The following PCDHA3 variants were observed in gnomAD, a reference collection of about 807,000 sequenced individuals.
PCDHA3 encodes protocadherin alpha-3.
PCDHA3 carries 41 observed loss-of-function variants against 62.2 expected under a neutral mutation model. That is an observed-to-expected ratio of 0.66 (90% CI 0.51 to 0.86). The LOEUF (loss-of-function observed/expected upper bound fraction) is 0.86, where lower values mean the gene tolerates loss of function less well. PCDHA3 is among the 40% of genes least tolerant of loss of function. The probability of loss-of-function intolerance (pLI) is 0.00; values close to 1 mark genes in which losing one functional copy is unlikely to be tolerated. For missense variants in PCDHA3, 1,304 were observed against 1,241.2 expected (o/e 1.05, Z -0.76); for synonymous variants, 640 against 555.4 (o/e 1.15, Z -2.14).
At chr5:140,808,060 C>T in intron 1 of PCDHA3, 3 of 1,613,672 alleles carry the variant, frequency 1.9e-6, no homozygotes, top group Non-Finnish European at 2.5e-6. Flanking sequence ...ATGTGAAATC[C>T]AAGTTTCACA....
intron 1 of PCDHA3, chr5:140,858,724 G>A: frequency 2.0e-6 from 1 of 491,474 alleles, no homozygotes; most frequent in South Asian, 3.0e-5. Flanking sequence ...TTGCAGTTCT[G>A]ACGATTTACT....
rs1202814862 is a variant in PCDHA3 at position 140,851,185 on chromosome 5, A to C, written c.2394+47594A>C. On this transcript the variant is annotated intron_variant, in intron 1 of 3. Transcript: ENST00000522353. ...ATGCTGCCATAACACTTGAAAACCA[A>C]TTTAGTTGTTAGTCATTCATTAAAC... The C allele has an allele frequency of 2.4e-6, 3 of 1,237,650 alleles. No individual in the cohort carries two copies. In the African/African-American group the frequency reaches 4.7e-5, roughly 19 times the overall value. The allele number at this position is 1,237,650 out of a possible 1,614,324, so 76.7% of individuals were successfully genotyped here.
intron 1 of PCDHA3, among the ~76,000 whole-genome samples, chr5:140,963,902 A>G (rs1227304928): frequency 6.6e-6 from 1 of 152,218 alleles, no homozygotes; most frequent in Non-Finnish European, 1.5e-5. Flanking sequence ...AAATGAGTAA[A>G]GTGAAGCTTA....
chr5:140,922,883 T>G (rs963654982), intron 1 of PCDHA3, among the ~76,000 whole-genome samples: 2 of 152,134 alleles, frequency 1.3e-5, no homozygotes, highest in African/African-American at 2.4e-5. Flanking sequence ...TCCAAAGACA[T>G]CATTCAAGAA....
At chr5:140,841,167 G>T (rs1003651834) in intron 1 of PCDHA3, 106 of 954,536 alleles carry the variant, frequency 1.1e-4, no homozygotes, top group Non-Finnish European at 3.5e-5. Context: ...AAGAAGTTCT[G>T]GTTGGTCAAT....
intron 1 of PCDHA3, chr5:140,858,069 C>A: frequency 6.3e-7 from 1 of 1,597,662 alleles, no homozygotes; most frequent in Non-Finnish European, 8.6e-7. Flanking sequence ...GGCAGCCAGG[C>A]ACCCAAGGCC....
At chr5:140,804,001 A>C in intron 1 of PCDHA3, 1 of 225,562 alleles carries the variant, frequency 4.4e-6, no homozygotes, top group African/African-American at 2.3e-5. Flanking sequence ...GTTAGTACAA[A>C]TGTTACTTGC....
At chr5:140,843,543 G>A (rs2150362370) in intron 1 of PCDHA3, 1 of 1,595,904 alleles carries the variant, frequency 6.3e-7, no homozygotes, top group Non-Finnish European at 8.6e-7. Context: ...ACTCTGGTGT[G>A]CTCCAGTGCG....
rs370989006 is a variant in PCDHA3, at chr5:141,009,739, C to G, written c.2655C>G (p.Pro885=). The G allele has an allele frequency of 1.2e-6, 2 of 1,614,010 alleles. No homozygotes were observed. Among genetic ancestry groups the G allele is most frequent in the Non-Finnish European group, 8.5e-7 (1 of 1,180,008 alleles). The change falls in exon 4 of 4, where the codon CCC becomes CCG. Residue 885 remains proline (P), a synonymous_variant. Transcript: ENST00000522353. ...AACAATCCGGTCCCGGTGAGTTGCCCGACAAATTCATTATCCCAGGATCTC... is the reference window on the plus strand; with the variant it reads ...AACAATCCGGTCCCGGTGAGTTGCCGGACAAATTCATTATCCCAGGATCTC... The part of the protein sequence containing the change: ...NPKQSGPGEL[P]DKFIIPGSPA...
At chr5:140,997,572 G>T (rs1457109655) in intron 3 of PCDHA3, among the ~76,000 whole-genome samples, 1 of 152,068 alleles carries the variant, frequency 6.6e-6, no homozygotes, top group Non-Finnish European at 1.5e-5. Context: ...CATATGTGTG[G>T]TCCGTTGTTG....
At chr5:140,968,640 C>T (rs2096260908) in intron 1 of PCDHA3, 1 of 1,614,038 alleles carries the variant, frequency 6.2e-7, no homozygotes, top group Admixed American at 1.7e-5. Context: ...TACCATCTAG[C>T]CCAGACTTCT....
chr5:140,817,220 T>C (rs1766092523), intron 1 of PCDHA3: 1 of 152,294 alleles, frequency 6.6e-6, no homozygotes, highest in Admixed American at 6.5e-5. Flanking sequence ...ACTTTCTCTT[T>C]CCCTTCTCAG....
At chr5:140,876,483 G>C in intron 1 of PCDHA3, 1 of 1,614,004 alleles carries the variant, frequency 6.2e-7, no homozygotes, top group Non-Finnish European at 8.5e-7. Context: ...GCATGGTCCT[G>C]GTGGAAGTTC....
At chr5:140,862,541 G>A (rs749747760) in intron 1 of PCDHA3, 2 of 445,208 alleles carry the variant, frequency 4.5e-6, no homozygotes, top group Non-Finnish European at 9.1e-6. Context: ...CGGGTCCGTG[G>A]AAGTGGCCGA....
chr5:140,984,340 T>C (rs1224859959), intron 3 of PCDHA3, among the ~76,000 whole-genome samples: 1 of 152,242 alleles, frequency 6.6e-6, no homozygotes, highest in African/African-American at 2.4e-5. Flanking sequence ...ATAGGAACCA[T>C]GTATTGATAT....
intron 3 of PCDHA3, among the ~76,000 whole-genome samples, chr5:140,999,171 C>T (rs1482438264): frequency 1.3e-5 from 2 of 152,054 alleles, no homozygotes; most frequent in African/African-American, 4.8e-5. Context: ...AGGAAAAGAG[C>T]CTGATGGGGA....
At chr5:140,892,405 T>C (rs1224393895) in intron 1 of PCDHA3, among the ~76,000 whole-genome samples, 2 of 152,206 alleles carry the variant, frequency 1.3e-5, no homozygotes, top group African/African-American at 2.4e-5. Context: ...ATTTCAAGCT[T>C]CAGGTATTCT....
rs140107313 is a variant in PCDHA3 at position 140,823,051 on chromosome 5, G to T, written c.2394+19460G>T. On this transcript the variant is annotated intron_variant, in intron 1 of 3. Coordinates refer to ENST00000522353, the MANE Select transcript of PCDHA3 (RefSeq NM_018906.3). Reference sequence around the variant, plus strand: ...GTCGGTCTATGAGCTGGTGGTGACCGCGCGGGACGGGGGCTCGCCTTCGCT... The same window carrying T: ...GTCGGTCTATGAGCTGGTGGTGACCTCGCGGGACGGGGGCTCGCCTTCGCT... 1,088 of 1,614,186 alleles carry T rather than the reference G, an allele frequency of 6.7e-4. 7 individuals are homozygous for T. In the African/African-American group the frequency reaches 0.013, roughly 19 times the overall value.
intron 3 of PCDHA3, among the ~76,000 whole-genome samples, chr5:140,983,787 A>G (rs1439684844): frequency 6.6e-6 from 1 of 152,234 alleles, no homozygotes; most frequent in Non-Finnish European, 1.5e-5. Flanking sequence ...ATAACAGATG[A>G]CAGAATGTGT....
Sources: allele counts gnomAD v4.1 joint callset (sites outside exome capture counted in the v4.1 genomes callset), GRCh38; gene constraint gnomAD v4.1.1; transcripts MANE v1.5; gene names NCBI Gene and HGNC (gene_info 2026-07-23, HGNC 2026-07-21).